The following TSNAX variants were observed in gnomAD, a reference collection of about 807,000 sequenced individuals.
The protein encoded by TSNAX is translin associated factor X, also known as translin-associated protein X.
In TSNAX, 12 loss-of-function variants were observed where a neutral mutation model predicts 33.0. The ratio of observed to expected loss-of-function variants is 0.36; its 90% CI spans 0.23 to 0.59. The LOEUF (loss-of-function observed/expected upper bound fraction) is 0.59. Among genes scored for constraint, TSNAX ranks in the 20% least tolerant of loss-of-function variants. The pLI is 0.74. For synonymous variants in TSNAX, 110 were observed against 117.2 expected (o/e 0.94, Z 0.40); for missense variants, 267 against 341.3 (o/e 0.78, Z 1.72).
Position 231,528,712 on chromosome 1 carries a change from T to C in TSNAX, c.-99T>C. The C allele has an allele frequency of 6.9e-7, 1 of 1,453,410 alleles. No homozygotes were observed. Among genetic ancestry groups the C allele is most frequent in the South Asian group, 1.2e-5 (1 of 86,578 alleles). 90.0% of individuals were successfully genotyped at this position (1,453,410 alleles called of 1,614,324 possible). Reference sequence around the variant, plus strand: ...TCGGCCCGGCTGCAAAGCGTTTTTCTGCAGGCTGTTTTCCCAGGTTCCCTC... The same window carrying C: ...TCGGCCCGGCTGCAAAGCGTTTTTCCGCAGGCTGTTTTCCCAGGTTCCCTC... On this transcript the variant is annotated 5_prime_UTR_variant, in exon 1 of 6. Coordinates refer to ENST00000366639, the MANE Select transcript of TSNAX (RefSeq NM_005999.3).
intron 4 of TSNAX, among the ~76,000 whole-genome samples, chr1:231,547,882 C>T (rs1238973208): frequency 1.3e-5 from 2 of 148,688 alleles, no homozygotes; most frequent in Non-Finnish European, 3.0e-5. Context: ...ACTTTGTCGC[C>T]CAGGCTGGAG....
intron 2 of TSNAX, chr1:231,534,208 T>C (rs1658994390): frequency 6.6e-6 from 1 of 152,184 alleles, no homozygotes; most frequent in Non-Finnish European, 1.5e-5. Flanking sequence ...ACTACATAAA[T>C]GATGGTTTGT....
chr1:231,529,571 TAAACAC>T (rs1331710865), intron 2 of TSNAX, among the ~76,000 whole-genome samples: 3 of 152,230 alleles, frequency 2.0e-5, no homozygotes, highest in African/African-American at 7.2e-5. Flanking sequence ...AAACATGACT[TAAACAC>T]AAGAAACAGT....
intron 4 of TSNAX, among the ~76,000 whole-genome samples, chr1:231,557,613 G>C (rs187990605): frequency 6.6e-6 from 1 of 152,212 alleles, no homozygotes; most frequent in African/African-American, 2.4e-5. Context: ...GAAATATAGG[G>C]TTCATGGATA....
rs1660150841 is a variant in TSNAX at position 231,549,320 on chromosome 1, T to C, written c.367+6709T>C. On this transcript the variant is annotated intron_variant, in intron 4 of 5. Transcript: ENST00000366639. ...TTAGCTGGACATGGTGGCGTGCACC[T>C]GAGGCAGGAGAATTGCTTGAACCCA... Among the ~76,000 whole-genome samples the C allele has an allele frequency of 2.6e-5, 4 of 152,202 alleles. No homozygotes were observed. In the South Asian group the frequency reaches 8.3e-4, roughly 32 times the overall value.
At chr1:231,541,368 AG>A (rs1407290787) in intron 3 of TSNAX, among the ~76,000 whole-genome samples, 1 of 152,222 alleles carries the variant, frequency 6.6e-6, no homozygotes, top group African/African-American at 2.4e-5. Context: ...TTGCCAGTGA[AG>A]GTCACAGTTT....
chr1:231,554,975 G>T (rs139159048), intron 4 of TSNAX, among the ~76,000 whole-genome samples: 2 of 152,320 alleles, frequency 1.3e-5, no homozygotes, highest in African/African-American at 2.4e-5. Context: ...TAAAGTTCCA[G>T]ATCCATACTC....
At position 231,564,499 on chromosome 1, in the gene TSNAX, G is replaced by T. The variant is rs552334167; in HGVS notation, c.496-29G>T. 8.0e-5 allele frequency: 119 copies of T among 1,491,012 alleles called. 1 individual carries two copies. In the East Asian group the frequency reaches 2.2e-3, roughly 28 times the overall value. The allele number at this position is 1,491,012 out of a possible 1,614,324, so 92.4% of individuals were successfully genotyped here. A position where few individuals can be genotyped will look rare whatever the true frequency, so the allele number is the denominator to read the frequency against. On this transcript the variant is annotated intron_variant, in intron 5 of 5. Coordinates refer to ENST00000366639, the MANE Select transcript of TSNAX (RefSeq NM_005999.3). ...TTCTTTCTTGTGTGTGTGTGTGTGT[G>T]TTTTTGTTTTGTTTTGTTTTTTTAC...
intron 2 of TSNAX, 49 bp from the exon 3 acceptor site, chr1:231,537,164 A>T (rs1225803024): frequency 1.5e-6 from 2 of 1,369,448 alleles, no homozygotes; most frequent in Admixed American, 3.9e-5. Context: ...ATTGTTTGGT[A>T]GGCTTTGAGT....
At chr1:231,556,497 A>G (rs1183414635) in intron 4 of TSNAX, among the ~76,000 whole-genome samples, 1 of 152,224 alleles carries the variant, frequency 6.6e-6, no homozygotes, top group African/African-American at 2.4e-5. Context: ...GGTCTTATCA[A>G]CAGCTACATA....
intron 4 of TSNAX, 138 bp from the exon 5 acceptor site, chr1:231,560,990 A>G (rs1459544733): frequency 2.6e-6 from 2 of 776,944 alleles, no homozygotes; most frequent in African/African-American, 3.6e-5. Context: ...CTAAGTGTCT[A>G]GTCTAGTACT....
intron 4 of TSNAX, among the ~76,000 whole-genome samples, chr1:231,553,489 T>C (rs1232818010): frequency 2.0e-5 from 3 of 152,186 alleles, no homozygotes; most frequent in Non-Finnish European, 2.9e-5. Context: ...TGATGGAATA[T>C]GGCAGTACGT....
In TSNAX at chr1:231,564,709, A is replaced by T. The variant is rs774485592; in HGVS notation, c.677A>T (p.Asp226Val). Reference protein sequence around the residue: ...EVSQFLRQVYDGFSFIGNTGP... With the variant: ...EVSQFLRQVYVGFSFIGNTGP... ...AGCCAGTTTTTACGTCAGGTTTATG[A>T]TGGGTTTTCATTCATTGGCAACACT... The change falls in exon 6 of 6, where the codon GAT (aspartate) becomes GTT (valine). Residue 226 changes from aspartate to valine, a missense_variant. Transcript: ENST00000366639. 1 of 1,614,058 alleles carries T rather than the reference A, an allele frequency of 6.2e-7. No individual in the cohort carries two copies. Among genetic ancestry groups the T allele is most frequent in the South Asian group, 1.1e-5 (1 of 91,076 alleles).
chr1:231,559,003 C>T (rs1204992548), intron 4 of TSNAX, among the ~76,000 whole-genome samples: 1 of 152,010 alleles, frequency 6.6e-6, no homozygotes. Context: ...GGACCTTTGC[C>T]TGGCATTTGA....
intron 4 of TSNAX, among the ~76,000 whole-genome samples, chr1:231,545,176 T>C (rs1271226649): frequency 6.6e-6 from 1 of 152,196 alleles, no homozygotes; most frequent in Non-Finnish European, 1.5e-5. Context: ...TTATTTATAA[T>C]TGGATTAGCA....
At position 231,528,715 on chromosome 1, in the gene TSNAX, A is replaced by C; in HGVS notation, c.-96A>C. On this transcript the variant is annotated 5_prime_UTR_variant, in exon 1 of 6. Coordinates refer to ENST00000366639, the MANE Select transcript of TSNAX (RefSeq NM_005999.3). ...GCCCGGCTGCAAAGCGTTTTTCTGC[A>C]GGCTGTTTTCCCAGGTTCCCTCGGC... 6.8e-7 allele frequency: 1 copy of C among 1,467,424 alleles called. No individual in the cohort carries two copies. Among genetic ancestry groups the C allele is most frequent in the Admixed American group, 1.7e-5 (1 of 57,590 alleles). The allele number at this position is 1,467,424 out of a possible 1,614,324, so 90.9% of individuals were successfully genotyped here.
At chr1:231,542,661 C>A in intron 4 of TSNAX, 50 bp downstream of exon 4, 1 of 1,557,884 alleles carries the variant, frequency 6.4e-7, no homozygotes, top group Non-Finnish European at 8.7e-7. Flanking sequence ...TGGTGTGCTA[C>A]ATGATTAACA....
Position 231,529,301 on chromosome 1 carries a change from C to G in TSNAX, c.63C>G (p.Asn21Lys). The G allele has an allele frequency of 2.5e-6, 4 of 1,614,034 alleles. No homozygotes were observed. Among genetic ancestry groups the G allele is most frequent in the African/African-American group, 1.3e-5 (1 of 74,998 alleles). Residue 21 changes from asparagine to lysine, a missense_variant, in exon 2 of 6, where the codon AAC (asparagine) becomes AAG (lysine). By Grantham distance (94) the Asn-to-Lys change is moderately conservative. This residue lies in a region of TSNAX where 200 missense variants were observed against 214.1 expected (regional missense o/e 0.93). Transcript: ENST00000366639. Reference sequence around the variant, plus strand: ...GGAAGCATGACAATTTCCCACATAACCAAAGAAGAGAAGGGAAGGATGTTA... The same window carrying G: ...GGAAGCATGACAATTTCCCACATAAGCAAAGAAGAGAAGGGAAGGATGTTA... ...RKRKHDNFPH[N>K]QRREGKDVNS...
chr1:231,565,150 C>A lies in TSNAX; in HGVS notation c.*245C>A. On this transcript the variant is annotated 3_prime_UTR_variant, in exon 6 of 6. Coordinates refer to ENST00000366639, the MANE Select transcript of TSNAX (RefSeq NM_005999.3). Reference sequence around the variant, plus strand: ...GCCTTTTTGAATTTTTGCTGGTTAACCTTTATCATTTATCTTTGTAATGTG... The same window carrying A: ...GCCTTTTTGAATTTTTGCTGGTTAAACTTTATCATTTATCTTTGTAATGTG... 2.4e-6 allele frequency: 1 copy of A among 418,366 alleles called. No individual in the cohort carries two copies. Among genetic ancestry groups the A allele is most frequent in the Non-Finnish European group, 4.2e-6 (1 of 236,632 alleles). The allele number at this position is 418,366 out of a possible 1,614,324, so 25.9% of individuals were successfully genotyped here.
Sources: gnomAD v4.1 joint callset for allele counts (sites outside exome capture counted in the v4.1 genomes callset) on GRCh38, gnomAD v4.1.1 for gene constraint, gnomAD v4.1.1 regional missense constraint, MANE v1.5 for transcripts, NCBI Gene and HGNC (gene_info 2026-07-23, HGNC 2026-07-21) for gene names.